Variants in MBNL3 observed in about 807,000 individuals in gnomAD.
MBNL3 encodes muscleblind like splicing regulator 3, also known as muscleblind-like protein 3.
MBNL3 carries 6 observed loss-of-function variants against 24.5 expected under a neutral mutation model. That is an observed-to-expected ratio of 0.25 (90% CI 0.13 to 0.48). The LOEUF (loss-of-function observed/expected upper bound fraction) is 0.48, where lower values mean the gene tolerates loss of function less well. Among genes scored for constraint, MBNL3 ranks in the 20% least tolerant of loss-of-function variants. The probability of loss-of-function intolerance (pLI) is 0.99; values close to 1 mark genes in which losing one functional copy is unlikely to be tolerated. For synonymous variants in MBNL3, 100 were observed against 101.7 expected (o/e 0.98, Z 0.10); for missense variants, 230 against 293.5 (o/e 0.78, Z 1.58).
intron 5 of MBNL3, among the ~76,000 whole-genome samples, chrX:132,390,274 A>C (rs1371112530): frequency 9.7e-6 from 1 of 103,077 alleles, no homozygotes; most frequent in African/African-American, 3.5e-5. Flanking sequence ...ACAAAAAAAA[A>C]AAAAAAAAAA....
At chrX:132,395,759 A>G (rs1034032409) in intron 3 of MBNL3, among the ~76,000 whole-genome samples, 13 of 111,713 alleles carry the variant, frequency 1.2e-4, no homozygotes, top group Non-Finnish European at 2.1e-4. Flanking sequence ...TTTTGAGTCC[A>G]GGACTTCTCC....
At chrX:132,437,793 G>C (rs1043713521) in intron 2 of MBNL3, 1 of 195,022 alleles carries the variant, frequency 5.1e-6, no homozygotes, top group African/African-American at 3.1e-5. Context: ...AATAATTGTA[G>C]ATGAAACTTA....
chrX:132,461,214 C>T (rs972893676), intron 1 of MBNL3, among the ~76,000 whole-genome samples: 1 of 111,355 alleles, frequency 9.0e-6, no homozygotes, highest in Non-Finnish European at 1.9e-5. Context: ...TCTGTTTTTC[C>T]AGAAAGATCT....
At chrX:132,445,246 C>T (rs977571328) in intron 1 of MBNL3, among the ~76,000 whole-genome samples, 1 of 111,584 alleles carries the variant, frequency 9.0e-6, no homozygotes, top group African/African-American at 3.3e-5. Flanking sequence ...CTGCCATACA[C>T]TGCTTGAATT....
chrX:132,422,459 T>TA (rs1349223223), intron 2 of MBNL3, among the ~76,000 whole-genome samples: 1 of 111,858 alleles, frequency 8.9e-6, no homozygotes, highest in Non-Finnish European at 1.9e-5. Flanking sequence ...TCAACAGAAC[T>TA]AAACTACACT....
chrX:132,452,080 C>T (rs1017754733), intron 1 of MBNL3, among the ~76,000 whole-genome samples: 13 of 111,493 alleles, frequency 1.2e-4, no homozygotes, highest in African/African-American at 3.6e-4. Flanking sequence ...AAGTTGATCT[C>T]GCTGGGAGCT....
chrX:132,454,180 C>T (rs1431903495), intron 1 of MBNL3, among the ~76,000 whole-genome samples: 1 of 111,168 alleles, frequency 9.0e-6, no homozygotes, highest in East Asian at 2.8e-4. Flanking sequence ...CCAAGATATT[C>T]ATTGATAAGA....
chrX:132,396,604 C>CTATATATATTCATATATATATT (rs1938846797), intron 3 of MBNL3, among the ~76,000 whole-genome samples: 1 of 17,441 alleles, frequency 5.7e-5, no homozygotes, highest in Non-Finnish European at 1.1e-4. Flanking sequence ...ATATATATTC[C>CTATATATATTCATATATATATT]TATATATATT....
chrX:132,467,652 T>C (rs1946961336), intron 1 of MBNL3, among the ~76,000 whole-genome samples: 1 of 111,499 alleles, frequency 9.0e-6, no homozygotes, highest in South Asian at 3.8e-4. Context: ...TCCCAAAAGG[T>C]TAAAAGTGAA....
intron 1 of MBNL3, among the ~76,000 whole-genome samples, chrX:132,486,836 A>G (rs1030167124): frequency 8.9e-6 from 1 of 112,004 alleles, no homozygotes; most frequent in Admixed American, 9.4e-5. Flanking sequence ...CAGTTGAGGA[A>G]AAAAAAGGTA....
At chrX:132,404,869 C>T (rs954974356) in intron 3 of MBNL3, among the ~76,000 whole-genome samples, 10 of 111,672 alleles carry the variant, frequency 9.0e-5, no homozygotes, top group Admixed American at 2.9e-4. Context: ...CATTGTATCA[C>T]TGATTAAATG....
intron 6 of MBNL3, 135 bp downstream of exon 6, chrX:132,386,526 A>T: frequency 1.4e-6 from 1 of 701,988 alleles, no homozygotes; most frequent in Non-Finnish European, 2.0e-6. Flanking sequence ...GCAGATAAGC[A>T]TAACTTCCTT....
chrX:132,415,199 C>A (rs778283958), intron 2 of MBNL3, among the ~76,000 whole-genome samples: 47 of 111,889 alleles, frequency 4.2e-4, no homozygotes, highest in African/African-American at 1.4e-3. Context: ...TGTACTGAAA[C>A]CTGGGAAGTC....
chrX:132,443,213 G>A (rs1945480208), intron 1 of MBNL3, among the ~76,000 whole-genome samples: 3 of 111,753 alleles, frequency 2.7e-5, no homozygotes. Flanking sequence ...TAAAGCATAA[G>A]TGATAACCCA....
chrX:132,410,083 G>C (rs999457686), intron 2 of MBNL3, among the ~76,000 whole-genome samples: 2 of 111,985 alleles, frequency 1.8e-5, no homozygotes, highest in African/African-American at 6.5e-5. Context: ...TGACATTTCT[G>C]AAGTACATCT....
intron 1 of MBNL3, among the ~76,000 whole-genome samples, chrX:132,461,559 G>A (rs147953681): frequency 1.2e-4 from 13 of 110,463 alleles, no homozygotes; most frequent in African/African-American, 3.6e-4. Flanking sequence ...ATCTAGTTGG[G>A]GAGATAATCT....
chrX:132,382,830 G>C (rs930757706), intron 7 of MBNL3, among the ~76,000 whole-genome samples: 1 of 112,054 alleles, frequency 8.9e-6, no homozygotes, highest in African/African-American at 3.2e-5. Flanking sequence ...AGACTGGTTG[G>C]TATGTGGTAG....
At chrX:132,455,456 A>C (rs752117523) in intron 1 of MBNL3, among the ~76,000 whole-genome samples, 1 of 112,122 alleles carries the variant, frequency 8.9e-6, no homozygotes, top group Non-Finnish European at 1.9e-5. Context: ...CAAATATGAA[A>C]ATATTCCAAA....
intron 1 of MBNL3, among the ~76,000 whole-genome samples, chrX:132,455,203 C>A (rs1434460567): frequency 9.0e-6 from 1 of 111,476 alleles, no homozygotes; most frequent in Non-Finnish European, 1.9e-5. Flanking sequence ...TTATAGAACC[C>A]CCAAAGTAGA....
Sources: allele counts gnomAD v4.1 joint callset (sites outside exome capture counted in the v4.1 genomes callset), GRCh38; gene constraint gnomAD v4.1.1; transcripts MANE v1.5; gene names NCBI Gene and HGNC (gene_info 2026-07-23, HGNC 2026-07-21).